The following TMEM117 variants were observed in gnomAD, a reference collection of about 807,000 sequenced individuals.
TMEM117 encodes the protein transmembrane protein 117.
TMEM117 carries 27 observed loss-of-function variants against 52.4 expected under a neutral mutation model. The ratio of observed to expected loss-of-function variants is 0.51; its 90% CI spans 0.38 to 0.71. TMEM117 has a LOEUF of 0.71. Among genes scored for constraint, TMEM117 ranks in the 30% least tolerant of loss-of-function variants. The pLI is 0.00. For missense variants in TMEM117, 556 were observed against 630.5 expected (o/e 0.88, Z 1.26); for synonymous variants, 215 against 206.3 (o/e 1.04, Z -0.36).
At chr12:44,106,913 CT>C (rs1565830565) in intron 3 of TMEM117, among the ~76,000 whole-genome samples, 2 of 151,730 alleles carry the variant, frequency 1.3e-5, no homozygotes, top group South Asian at 2.1e-4. Flanking sequence ...TTATAAAGTA[CT>C]TTTTTATTTT....
intron 6 of TMEM117, among the ~76,000 whole-genome samples, chr12:44,350,456 A>G (rs1951546466): frequency 6.6e-6 from 1 of 152,004 alleles, no homozygotes; most frequent in Non-Finnish European, 1.5e-5. Context: ...GACTATAATT[A>G]CCCTGTTTTG....
At chr12:44,273,306 G>A (rs1267079461) in intron 5 of TMEM117, among the ~76,000 whole-genome samples, 1 of 151,820 alleles carries the variant, frequency 6.6e-6, no homozygotes, top group Non-Finnish European at 1.5e-5. Flanking sequence ...CATGGCATAT[G>A]TATACATATG....
At chr12:43,862,228 G>C (rs1002563556) in intron 2 of TMEM117, among the ~76,000 whole-genome samples, 9 of 152,192 alleles carry the variant, frequency 5.9e-5, no homozygotes, top group Non-Finnish European at 4.4e-5. Flanking sequence ...GAGTGCAGTG[G>C]TGTGCTCTCG....
intron 2 of TMEM117, among the ~76,000 whole-genome samples, chr12:43,874,051 TTTTCA>T (rs1438488758): frequency 1.3e-5 from 2 of 152,186 alleles, no homozygotes; most frequent in Non-Finnish European, 2.9e-5. Flanking sequence ...AACTCCCTTC[TTTTCA>T]TTTATTTATT....
chr12:43,906,486 G>A (rs1053505182), intron 2 of TMEM117, among the ~76,000 whole-genome samples: 1 of 151,988 alleles, frequency 6.6e-6, no homozygotes, highest in Non-Finnish European at 1.5e-5. Context: ...GAAAGCGGGG[G>A]AGGAGCCAAG....
upstream of TMEM117, among the ~76,000 whole-genome samples, chr12:43,834,323 A>C (rs1245611153): frequency 6.6e-6 from 1 of 152,236 alleles, no homozygotes; most frequent in East Asian, 1.9e-4. Flanking sequence ...AGTGGAATAT[A>C]ATGACTAATA....
intron 3 of TMEM117, among the ~76,000 whole-genome samples, chr12:44,036,464 T>G (rs1298908824): frequency 2.0e-5 from 3 of 152,244 alleles, no homozygotes; most frequent in African/African-American, 7.2e-5. Context: ...TAATATGTTA[T>G]TTTTCATTTG....
intron 5 of TMEM117, among the ~76,000 whole-genome samples, chr12:44,234,039 T>A (rs1949964099): frequency 6.6e-6 from 1 of 151,400 alleles, no homozygotes. Flanking sequence ...TGCCTCTAGG[T>A]TCATATATGA....
intron 4 of TMEM117, among the ~76,000 whole-genome samples, chr12:44,195,605 C>A (rs191914480): frequency 6.6e-5 from 10 of 152,016 alleles, no homozygotes; most frequent in African/African-American, 2.4e-4. Flanking sequence ...GAAAATACAA[C>A]CTAAAACAAA....
chr12:43,930,407 A>G (rs1335775195), intron 2 of TMEM117, among the ~76,000 whole-genome samples: 2 of 152,098 alleles, frequency 1.3e-5, no homozygotes, highest in Non-Finnish European at 2.9e-5. Context: ...GTGGACATGA[A>G]TTTCAATTTT....
At chr12:43,856,942 G>A (rs1480217777) in intron 2 of TMEM117, among the ~76,000 whole-genome samples, 2 of 152,200 alleles carry the variant, frequency 1.3e-5, no homozygotes, top group African/African-American at 4.8e-5. Context: ...GAGATTTGGT[G>A]TGTTGGAGCT....
intron 3 of TMEM117, among the ~76,000 whole-genome samples, chr12:44,063,425 G>A (rs963994883): frequency 6.6e-6 from 1 of 151,866 alleles, no homozygotes; most frequent in Admixed American, 6.6e-5. Flanking sequence ...AAGTTCCTAT[G>A]TGGTTAAATA....
rs376806990 is a variant in TMEM117 at position 43,907,971 on chromosome 12, A to G, written c.278-36239A>G. ...CCCCAATCTAGCAAGGCAGGCCAAC[A>G]TTCAGATTCAGGAAATACAGAGAAC... is the stretch of plus-strand genomic sequence containing the variant. On this transcript the variant is annotated intron_variant, in intron 2 of 7. Coordinates refer to ENST00000266534, the MANE Select transcript of TMEM117 (RefSeq NM_032256.3). Among the ~76,000 whole-genome samples, 18 of 74,058 alleles carry G rather than the reference A, an allele frequency of 2.4e-4. 5 individuals carry two copies. The highest frequency in any genetic ancestry group is 3.5e-4 in the African/African-American group (12 of 34,638). 48.6% of individuals were successfully genotyped at this position (74,058 alleles called of 152,430 possible).
intron 3 of TMEM117, among the ~76,000 whole-genome samples, chr12:44,123,562 T>C (rs1265345580): frequency 6.6e-6 from 1 of 152,194 alleles, no homozygotes; most frequent in Non-Finnish European, 1.5e-5. Context: ...TAATCCATCT[T>C]GAGTTGATTT....
At chr12:44,007,680 A>G (rs914708280) in intron 3 of TMEM117, among the ~76,000 whole-genome samples, 18 of 152,228 alleles carry the variant, frequency 1.2e-4, no homozygotes, top group Non-Finnish European at 2.1e-4. Context: ...TACAATTCCC[A>G]TGTGTAGTGG....
intron 4 of TMEM117, among the ~76,000 whole-genome samples, chr12:44,168,710 C>T (rs1452488169): frequency 1.3e-5 from 2 of 152,108 alleles, no homozygotes; most frequent in Non-Finnish European, 2.9e-5. Flanking sequence ...ATAAAACGTA[C>T]ATAACATAAA....
chr12:43,996,102 T>A (rs7311778), intron 3 of TMEM117, among the ~76,000 whole-genome samples: 13,855 of 152,240 alleles, frequency 0.091, 997 homozygotes, highest in African/African-American at 0.19. Flanking sequence ...TCATGCTGAT[T>A]GTAAAAGTAA....
At chr12:43,923,025 T>TA (rs1565752867) in intron 2 of TMEM117, among the ~76,000 whole-genome samples, 3 of 152,196 alleles carry the variant, frequency 2.0e-5, no homozygotes, top group Non-Finnish European at 4.4e-5. Flanking sequence ...TGGACACACC[T>TA]CTGCTGGAGG....
intron 2 of TMEM117, among the ~76,000 whole-genome samples, chr12:43,915,139 A>G (rs1592359665): frequency 1.3e-5 from 2 of 152,170 alleles, no homozygotes; most frequent in East Asian, 3.9e-4. Flanking sequence ...TTCCAGGCAT[A>G]CAGACATCCA....
Sources: allele counts gnomAD v4.1 joint callset (sites outside exome capture counted in the v4.1 genomes callset), GRCh38; gene constraint gnomAD v4.1.1; transcripts MANE v1.5; gene names NCBI Gene and HGNC (gene_info 2026-07-23, HGNC 2026-07-21).